MMACHC: variants seen among roughly 807,000 people sequenced by gnomAD.
MMACHC encodes the protein cyanocobalamin reductase / alkylcobalamin dealkylase.
In MMACHC, 14 loss-of-function variants were observed where a neutral mutation model predicts 17.6. The ratio of observed to expected loss-of-function variants is 0.80; its 90% CI spans 0.53 to 1.25. MMACHC has a LOEUF of 1.25. Ranked by LOEUF, MMACHC falls within the 50% of genes most tolerant of loss-of-function variation. The pLI, the probability that MMACHC is intolerant of heterozygous loss-of-function variation, is 0.00. For missense variants in MMACHC, 392 were observed against 364.5 expected, an observed-to-expected ratio of 1.08 and a Z score of -0.62; for synonymous variants, 151 against 142.1, an observed-to-expected ratio of 1.06 and a Z score of -0.45.
Position 45,511,371 on chromosome 1 carries a change from A to G in MMACHC, c.*2156A>G, listed in dbSNP as rs2149325362. On this transcript the variant is annotated 3_prime_UTR_variant, in exon 4 of 4. Transcript: ENST00000401061. ...AATATTCTTTGCTCTTTTGGACATC[A>G]GGCTTGATGGTATCACTGCCAGGTT... The G allele has an allele frequency of 5.0e-6, 8 of 1,613,104 alleles. No individual in the cohort carries two copies. The highest frequency in any genetic ancestry group is 6.8e-6 in the Non-Finnish European group (8 of 1,179,642).
intron 1 of MMACHC, among the ~76,000 whole-genome samples, chr1:45,503,243 A>G (rs1643571720): frequency 6.6e-6 from 1 of 151,902 alleles, no homozygotes; most frequent in Non-Finnish European, 1.5e-5. Context: ...TACTAAAAAT[A>G]CAAAATTAGG....
intron 1 of MMACHC, among the ~76,000 whole-genome samples, chr1:45,504,968 A>G (rs1259757517): frequency 6.6e-6 from 1 of 151,740 alleles, no homozygotes; most frequent in Non-Finnish European, 1.5e-5. Flanking sequence ...ACAAAAAATT[A>G]GCTAGGCCTG....
At chr1:45,505,431 A>G (rs1021965760) in intron 1 of MMACHC, among the ~76,000 whole-genome samples, 1 of 151,992 alleles carries the variant, frequency 6.6e-6, no homozygotes, top group African/African-American at 2.4e-5. Flanking sequence ...CTGGCGACAG[A>G]GTGAGAATCC....
Position 45,511,501 on chromosome 1 carries a change from A to G in MMACHC, c.*2286A>G. On this transcript the variant is annotated 3_prime_UTR_variant, in exon 4 of 4. Coordinates refer to ENST00000401061, the MANE Select transcript of MMACHC (RefSeq NM_015506.3). ...ATGGACAAAACCAGTTCTGCACCTG[A>G]ACACTCAGATACCAGGAAACCTACC... is the stretch of plus-strand genomic sequence containing the variant. 9.3e-7 allele frequency: 1 copy of G among 1,073,646 alleles called. No individual in the cohort carries two copies. Among genetic ancestry groups the G allele is most frequent in the Non-Finnish European group, 1.4e-6 (1 of 725,348 alleles). 66.5% of individuals were successfully genotyped at this position (1,073,646 alleles called of 1,614,324 possible).
At position 45,512,001 on chromosome 1, in the gene MMACHC, C is replaced by G. The variant is rs1002573993; in HGVS notation, c.*2786C>G. ...AGCACAGCCTTCAACCTTTTCCTGACAATGCCTAAGAATGTGCCTCAGGCT... is the reference window on the plus strand; with the variant it reads ...AGCACAGCCTTCAACCTTTTCCTGAGAATGCCTAAGAATGTGCCTCAGGCT... On this transcript the variant is annotated 3_prime_UTR_variant, in exon 4 of 4. Coordinates refer to ENST00000401061, the MANE Select transcript of MMACHC (RefSeq NM_015506.3). 3 of 150,888 alleles carry G rather than the reference C, an allele frequency of 2.0e-5. No homozygotes were observed. Among genetic ancestry groups the G allele is most frequent in the African/African-American group, 7.3e-5 (3 of 41,036 alleles). 9.3% of individuals were successfully genotyped at this position (150,888 alleles called of 1,614,324 possible).
intron 1 of MMACHC, among the ~76,000 whole-genome samples, chr1:45,504,586 G>A (rs1348943801): frequency 6.6e-6 from 1 of 152,068 alleles, no homozygotes; most frequent in African/African-American, 2.4e-5. Flanking sequence ...CCAGCCAGGT[G>A]TGGTGGCTCA....
chr1:45,505,174 C>T (rs1342605193), intron 1 of MMACHC, among the ~76,000 whole-genome samples: 1 of 149,944 alleles, frequency 6.7e-6, no homozygotes, highest in Non-Finnish European at 1.5e-5. Context: ...TCTCGCCTGG[C>T]GCGGTGACTC....
At chr1:45,507,614 C>A in intron 2 of MMACHC, 64 bp downstream of exon 2, 1 of 1,559,016 alleles carries the variant, frequency 6.4e-7, no homozygotes, top group East Asian at 2.3e-5. Context: ...CCTCCACACT[C>A]AATGCAGGAT....
In MMACHC at chr1:45,511,314, A is replaced by C. The variant is rs1260992175; in HGVS notation, c.*2099A>C. The C allele has an allele frequency of 3.1e-6, 5 of 1,595,678 alleles. No individual in the cohort carries two copies. The South Asian group carries it at 5.7e-5, about 18-fold the overall frequency. On this transcript the variant is annotated 3_prime_UTR_variant, in exon 4 of 4. Coordinates refer to ENST00000401061, the MANE Select transcript of MMACHC (RefSeq NM_015506.3). ...TGGCTGCCCACCGCAGCCTGGCACT[A>C]AAACAGCCCAGCGCTCACTTCTGCT... is the stretch of plus-strand genomic sequence containing the variant.
rs528241385 is a variant in MMACHC, at chr1:45,507,242, C to T, written c.82-114C>T. 90 of 914,738 alleles carry T rather than the reference C, an allele frequency of 9.8e-5. No homozygotes were observed. The Admixed American group carries it at 1.4e-3, about 14-fold the overall frequency. 56.7% of individuals were successfully genotyped at this position (914,738 alleles called of 1,614,324 possible). A position where few individuals can be genotyped will look rare whatever the true frequency, so the allele number is the denominator to read the frequency against. ...ATCACATAGCGTCAGTGAAAATTCA[C>T]TGAATGAGTGAGATGGAGGCTGGGG... On this transcript the variant is annotated intron_variant, in intron 1 of 3. Coordinates refer to ENST00000401061, the MANE Select transcript of MMACHC (RefSeq NM_015506.3).
chr1:45,502,589 G>A (rs1643562553), intron 1 of MMACHC, among the ~76,000 whole-genome samples: 1 of 152,064 alleles, frequency 6.6e-6, no homozygotes, highest in South Asian at 2.1e-4. Context: ...GTGTTTTTTG[G>A]TGAAATATAA....
rs771398034 is a variant in MMACHC at position 45,510,347 on chromosome 1, A to C, written c.*1132A>C. On this transcript the variant is annotated 3_prime_UTR_variant, in exon 4 of 4. Coordinates refer to ENST00000401061, the MANE Select transcript of MMACHC (RefSeq NM_015506.3). ...ACCTTGGCCTCAAGGGCCCAGGAGAATAACTTTTCCCAGCTGACAGCCTCT... is the reference window on the plus strand; with the variant it reads ...ACCTTGGCCTCAAGGGCCCAGGAGACTAACTTTTCCCAGCTGACAGCCTCT... The C allele has an allele frequency of 1.3e-5, 2 of 152,190 alleles. No individual in the cohort carries two copies. The highest frequency in any genetic ancestry group is 4.8e-5 in the African/African-American group (2 of 41,428). The allele number at this position is 152,190 out of a possible 1,614,324, so 9.4% of individuals were successfully genotyped here.
In MMACHC at chr1:45,509,285, G is replaced by C; in HGVS notation, c.*70G>C. On this transcript the variant is annotated 3_prime_UTR_variant, in exon 4 of 4. Transcript: ENST00000401061. Reference sequence around the variant, plus strand: ...CTTAATTGGCTTTGGCAAAGCAAAAGGTTTTGAGTACAAGATTACTATTTT... The same window carrying C: ...CTTAATTGGCTTTGGCAAAGCAAAACGTTTTGAGTACAAGATTACTATTTT... 6.5e-7 allele frequency: 1 copy of C among 1,539,418 alleles called. No homozygotes were observed. The highest frequency in any genetic ancestry group is 9.0e-7 in the Non-Finnish European group (1 of 1,113,610).
chr1:45,508,920 C>G lies in MMACHC; in HGVS notation c.554C>G (p.Thr185Arg), dbSNP rs201410976. ...AGAAAACCTCATGACTGTGTACCTA[C>G]AAGAGCTGACCGTATCGCCCTACTC... ...PPRKPHDCVPTRADRIALLEG... is the reference protein window; with the variant it reads ...PPRKPHDCVPRRADRIALLEG... Residue 185 changes from threonine (T) to arginine (R), a missense_variant, in exon 4 of 4, where the codon ACA (threonine) becomes AGA (arginine). Transcript: ENST00000401061. The G allele has an allele frequency of 1.2e-5, 19 of 1,614,204 alleles. 1 individual carries two copies. The East Asian group carries it at 4.0e-4, about 34-fold the overall frequency.
chr1:45,500,912 C>T (rs1398505703), intron 1 of MMACHC, among the ~76,000 whole-genome samples: 1 of 150,944 alleles, frequency 6.6e-6, no homozygotes. Flanking sequence ...AACCTTTTGC[C>T]ACCATATAAT....
chr1:45,505,505 G>A (rs887296544), intron 1 of MMACHC, among the ~76,000 whole-genome samples: 2 of 151,934 alleles, frequency 1.3e-5, no homozygotes, highest in Non-Finnish European at 2.9e-5. Context: ...TGTTACCCAG[G>A]CTGGTCTAAA....
chr1:45,507,514 C>G lies in MMACHC; in HGVS notation c.240C>G (p.Asp80Glu). The G allele has an allele frequency of 6.2e-7, 1 of 1,614,182 alleles. No individual in the cohort carries two copies. The highest frequency in any genetic ancestry group is 8.5e-7 in the Non-Finnish European group (1 of 1,180,034). The change falls in exon 2 of 4, where the codon GAC becomes GAG. Residue 80 changes from aspartate (D) to glutamate (E), a missense_variant. By Grantham distance (45) the Asp-to-Glu change is conservative. Transcript: ENST00000401061. ...TCCGAATGCTGACTGACCCAGTGGA[C>G]CAGTGTGTGGCCTACCATCTGGGCC... ...CHLRMLTDPV[D>E]QCVAYHLGRV...
rs770431439 is a variant in MMACHC, at chr1:45,500,410, C to A, written c.78C>A (p.Phe26Leu). 17 of 1,614,016 alleles carry A rather than the reference C, an allele frequency of 1.1e-5. No homozygotes were observed. Among genetic ancestry groups the A allele is most frequent in the Admixed American group, 5.0e-5 (3 of 60,006 alleles). The change falls in exon 1 of 4, where the codon TTC becomes TTA. Residue 26 changes from phenylalanine to leucine, a missense_variant. Coordinates refer to ENST00000401061, the MANE Select transcript of MMACHC (RefSeq NM_015506.3). ...LCPFGFEVYPFQVAWYNELLP... is the reference protein window; with the variant it reads ...LCPFGFEVYPLQVAWYNELLP... ...CTTTTGGCTTCGAGGTTTACCCCTT[C>A]CAGGTTAGTTTATCCCTCCTGCTGT...
rs1643748605 is a variant in MMACHC at position 45,511,690 on chromosome 1, AAC to A, written c.*2478_*2479del. On this transcript the variant is annotated 3_prime_UTR_variant, in exon 4 of 4. Transcript: ENST00000401061. ...AAAGGCAAAGTTTAAATAATTTGCC[AAC>A]ACTCTCTAATCCTTAAGGGGAAAAA... is the stretch of plus-strand genomic sequence containing the variant. 6.7e-6 allele frequency: 2 copies of A among 296,816 alleles called. No individual in the cohort carries two copies. Among genetic ancestry groups the A allele is most frequent in the Non-Finnish European group, 1.2e-5 (2 of 161,014 alleles). The allele number at this position is 296,816 out of a possible 1,614,324, so 18.4% of individuals were successfully genotyped here.
Sources: gnomAD v4.1 joint callset for allele counts (sites outside exome capture counted in the v4.1 genomes callset) on GRCh38, gnomAD v4.1.1 for gene constraint, MANE v1.5 for transcripts, NCBI Gene and HGNC (gene_info 2026-07-23, HGNC 2026-07-21) for gene names.